MPPED2: variants seen among roughly 807,000 people sequenced by gnomAD.
MPPED2 encodes metallophosphoesterase MPPED2.
In MPPED2, 5 loss-of-function variants were observed where a neutral mutation model predicts 33.0. The ratio of observed to expected loss-of-function variants is 0.15; its 90% CI spans 0.08 to 0.32. The LOEUF (loss-of-function observed/expected upper bound fraction) is 0.32. Ranked by LOEUF, MPPED2 falls within the 10% of genes least tolerant of loss-of-function variation. The pLI is 1.00. For missense variants in MPPED2, 275 were observed against 372.1 expected (o/e 0.74, Z 2.15); for synonymous variants, 136 against 141.9 (o/e 0.96, Z 0.29).
downstream of MPPED2, among the ~76,000 whole-genome samples, chr11:30,384,268 G>T (rs1947676888): frequency 6.6e-6 from 1 of 152,134 alleles, no homozygotes; most frequent in Admixed American, 6.6e-5. Context: ...TATGTATTGA[G>T]TTCAGGAATC....
chr11:30,457,119 A>G lies in MPPED2; in HGVS notation c.536+38177T>C, dbSNP rs570184039. Among the ~76,000 whole-genome samples the G allele has an allele frequency of 2.2e-3, 342 of 152,248 alleles. 2 individuals are homozygous for G. The highest frequency in any genetic ancestry group is 4.2e-3 in the Non-Finnish European group (287 of 68,018). ...TTATATGACTTCTGTTGGTCTGGGG[A>G]AAAAGCTTATCAGCATTTATGGAGT... On this transcript the variant is annotated intron_variant, in intron 4 of 6. Coordinates refer to ENST00000358117, the MANE Select transcript of MPPED2 (RefSeq NM_001584.3).
At chr11:30,446,003 A>G (rs563164010) in intron 4 of MPPED2, among the ~76,000 whole-genome samples, 8 of 152,226 alleles carry the variant, frequency 5.3e-5, no homozygotes, top group Non-Finnish European at 1.2e-4. Context: ...AAGTGGTGAC[A>G]GTGGCATGTG....
intron 6 of MPPED2, among the ~76,000 whole-genome samples, chr11:30,400,376 C>A (rs1318176951): frequency 6.6e-6 from 1 of 152,146 alleles, no homozygotes. Flanking sequence ...GCACCTGGCT[C>A]TATGGAGAGT....
At chr11:30,408,135 G>T (rs1948019032), downstream of MPPED2, among the ~76,000 whole-genome samples, 2 of 152,204 alleles carry the variant, frequency 1.3e-5, no homozygotes, top group Admixed American at 1.3e-4. Flanking sequence ...ACTAGTCCGA[G>T]GTGGGGCCAG....
At chr11:30,550,308 T>A (rs1955639656) in intron 2 of MPPED2, among the ~76,000 whole-genome samples, 1 of 152,170 alleles carries the variant, frequency 6.6e-6, no homozygotes. Flanking sequence ...TAGCATGTCA[T>A]CTATACTAGG....
In MPPED2 at chr11:30,523,489, A is replaced by C. The variant is rs193219221; in HGVS notation, c.310+12505T>G. 3.9e-5 allele frequency among the ~76,000 whole-genome samples: 6 copies of C among 152,292 alleles called. No individual in the cohort carries two copies. The East Asian group carries it at 1.2e-3, about 29-fold the overall frequency. ...GATAGGACAGGATATTAACAACAAA[A>C]TGATCATGTCTAACATTTACATGAC... On this transcript the variant is annotated intron_variant, in intron 3 of 6. Coordinates refer to ENST00000358117, the MANE Select transcript of MPPED2 (RefSeq NM_001584.3).
intron 6 of MPPED2, among the ~76,000 whole-genome samples, chr11:30,393,273 T>C (rs1169784120): frequency 2.6e-5 from 4 of 151,940 alleles, no homozygotes; most frequent in African/African-American, 9.7e-5. Context: ...ACATCCTGGA[T>C]ACAGTCTCTA....
intron 4 of MPPED2, among the ~76,000 whole-genome samples, chr11:30,489,595 C>A (rs1264842710): frequency 6.6e-6 from 1 of 152,228 alleles, no homozygotes; most frequent in African/African-American, 2.4e-5. Context: ...TAGGCCTGAT[C>A]TAATTTTCCT....
At chr11:30,579,688 A>G (rs774403284) in intron 2 of MPPED2, among the ~76,000 whole-genome samples, 1 of 152,120 alleles carries the variant, frequency 6.6e-6, no homozygotes, top group Non-Finnish European at 1.5e-5. Context: ...TTTGTTCCCC[A>G]TATTGTTTGA....
rs146685651 is a variant in MPPED2 at position 30,553,825 on chromosome 11, G to A, written c.129-17650C>T. On this transcript the variant is annotated intron_variant, in intron 2 of 6. Coordinates refer to ENST00000358117, the MANE Select transcript of MPPED2 (RefSeq NM_001584.3). ...AAGCACCATCTCTGGCACAGAGAGTGTAAGGATTGCAGAATTATTGTCAAC... is the reference window on the plus strand; with the variant it reads ...AAGCACCATCTCTGGCACAGAGAGTATAAGGATTGCAGAATTATTGTCAAC... 3.0e-3 allele frequency among the ~76,000 whole-genome samples: 452 copies of A among 152,292 alleles called. 4 individuals carry two copies. Among genetic ancestry groups the A allele is most frequent in the Non-Finnish European group, 5.7e-3 (388 of 68,038 alleles).
At chr11:30,520,345 T>C (rs774815931) in intron 3 of MPPED2, among the ~76,000 whole-genome samples, 7 of 152,320 alleles carry the variant, frequency 4.6e-5, no homozygotes, top group Admixed American at 1.3e-4. Context: ...ACTATAAATA[T>C]GGCATTAACA....
intron 2 of MPPED2, among the ~76,000 whole-genome samples, chr11:30,562,909 CA>C (rs2134733841): frequency 6.6e-6 from 1 of 151,902 alleles, no homozygotes; most frequent in East Asian, 1.9e-4. Flanking sequence ...TGTAAACAGG[CA>C]AGACACGCTA....
chr11:30,556,554 T>C (rs2134674397), intron 2 of MPPED2, among the ~76,000 whole-genome samples: 1 of 152,338 alleles, frequency 6.6e-6, no homozygotes, highest in Admixed American at 6.5e-5. Context: ...CACAAGTCTG[T>C]CACTGCTTCC....
chr11:30,569,841 A>T (rs1053912885), intron 2 of MPPED2, among the ~76,000 whole-genome samples: 10 of 152,100 alleles, frequency 6.6e-5, no homozygotes, highest in Non-Finnish European at 7.4e-5. Context: ...CTAGAAAGCC[A>T]AGTTGCAATT....
rs545013473 is a variant in MPPED2, at chr11:30,489,925, G to A, written c.536+5371C>T. 7.3e-4 allele frequency among the ~76,000 whole-genome samples: 105 copies of A among 142,900 alleles called. 1 individual carries two copies. Among genetic ancestry groups the A allele is most frequent in the African/African-American group, 2.7e-3 (102 of 37,264 alleles). The allele number at this position is 142,900 out of a possible 152,430, so 93.7% of individuals were successfully genotyped here. ...TAGTATGTGGATTTTTTTTTTTTCT[G>A]CACAGTATCTTAGTATCAAAACAGC... On this transcript the variant is annotated intron_variant, in intron 4 of 6. Transcript: ENST00000358117.
intron 3 of MPPED2, among the ~76,000 whole-genome samples, chr11:30,501,263 G>A (rs941967547): frequency 4.6e-5 from 7 of 152,156 alleles, no homozygotes; most frequent in African/African-American, 1.7e-4. Context: ...CAGGCACAAT[G>A]TCACTACTCT....
chr11:30,491,271 T>C (rs1040013341), intron 4 of MPPED2, among the ~76,000 whole-genome samples: 1 of 152,200 alleles, frequency 6.6e-6, no homozygotes, highest in African/African-American at 2.4e-5. Context: ...TGTATTGTTT[T>C]TGAAAATTCT....
At chr11:30,559,652 A>G (rs940404749) in intron 2 of MPPED2, among the ~76,000 whole-genome samples, 3 of 152,136 alleles carry the variant, frequency 2.0e-5, no homozygotes, top group African/African-American at 4.8e-5. Flanking sequence ...AAAAAATTAT[A>G]AGCTATGTTT....
At chr11:30,488,658 T>C (rs1431464062) in intron 4 of MPPED2, among the ~76,000 whole-genome samples, 5 of 152,190 alleles carry the variant, frequency 3.3e-5, no homozygotes, top group Non-Finnish European at 7.4e-5. Flanking sequence ...AAACCAGAAG[T>C]GAATCTGATC....
Sources: allele counts gnomAD v4.1 joint callset (sites outside exome capture counted in the v4.1 genomes callset), GRCh38; gene constraint gnomAD v4.1.1; transcripts MANE v1.5; gene names NCBI Gene and HGNC (gene_info 2026-07-23, HGNC 2026-07-21).